C21orf91: variants seen among roughly 807,000 people sequenced by gnomAD.
The protein encoded by C21orf91 is protein EURL homolog.
In C21orf91, 26 loss-of-function variants were observed where a neutral mutation model predicts 32.9. The ratio of observed to expected loss-of-function variants is 0.79; its 90% CI spans 0.58 to 1.10. The LOEUF (loss-of-function observed/expected upper bound fraction) is 1.10. Ranked by LOEUF, C21orf91 falls within the 50% of genes least tolerant of loss-of-function variation. The pLI is 0.00. For missense variants in C21orf91, 310 were observed against 341.3 expected (o/e 0.91, Z 0.72); for synonymous variants, 126 against 120.4 (o/e 1.05, Z -0.31).
intron 2 of C21orf91, chr21:17,813,745 T>G (rs113016128): frequency 8.9e-4 from 135 of 152,360 alleles, no homozygotes; most frequent in African/African-American, 3.1e-3. Flanking sequence ...AATGCTCCAA[T>G]GAGCATCTCC....
chr21:17,805,496 T>C (rs946543431), intron 2 of C21orf91, among the ~76,000 whole-genome samples: 2 of 152,096 alleles, frequency 1.3e-5, no homozygotes, highest in Non-Finnish European at 2.9e-5. Context: ...GTATTTTTAG[T>C]AAAGACAGGG....
At chr21:17,794,046 T>A (rs1204467694) in intron 4 of C21orf91, among the ~76,000 whole-genome samples, 1 of 152,228 alleles carries the variant, frequency 6.6e-6, no homozygotes, top group Admixed American at 6.5e-5. Flanking sequence ...TTCAATTTCC[T>A]TTTCTGTGTA....
intron 2 of C21orf91, 28 bp downstream of exon 2, chr21:17,818,164 T>C: frequency 6.4e-7 from 1 of 1,568,120 alleles, no homozygotes; most frequent in Non-Finnish European, 8.7e-7. Flanking sequence ...ATTCATTCCA[T>C]AAGATCAAAA....
chr21:17,798,776 TAA>T (rs1341169020), intron 2 of C21orf91, among the ~76,000 whole-genome samples: 1 of 152,218 alleles, frequency 6.6e-6, no homozygotes, highest in South Asian at 2.1e-4. Context: ...TCTGCTTTAT[TAA>T]GTTTTATTAT....
chr21:17,798,231 T>C (rs371810723), intron 2 of C21orf91, among the ~76,000 whole-genome samples: 11 of 152,306 alleles, frequency 7.2e-5, no homozygotes, highest in South Asian at 6.2e-4. Context: ...ATTGAACTCA[T>C]AGTTATTTTA....
chr21:17,800,375 ACT>A (rs1239925201), intron 2 of C21orf91, among the ~76,000 whole-genome samples: 1 of 152,214 alleles, frequency 6.6e-6, no homozygotes, highest in African/African-American at 2.4e-5. Context: ...GAAAAAAATT[ACT>A]TTTTAATCTA....
intron 2 of C21orf91, among the ~76,000 whole-genome samples, chr21:17,808,182 T>C (rs2062610726): frequency 6.6e-6 from 1 of 152,218 alleles, no homozygotes; most frequent in Admixed American, 6.5e-5. Flanking sequence ...ACACTGCTCA[T>C]GTCCCAGCCA....
intron 2 of C21orf91, among the ~76,000 whole-genome samples, chr21:17,807,930 A>G (rs1241051695): frequency 2.0e-5 from 3 of 152,116 alleles, no homozygotes; most frequent in Non-Finnish European, 2.9e-5. Flanking sequence ...TTAAAAGGGT[A>G]TAAGACTTCA....
chr21:17,816,270 G>A (rs554745097), intron 2 of C21orf91, among the ~76,000 whole-genome samples: 35 of 152,224 alleles, frequency 2.3e-4, no homozygotes, highest in African/African-American at 8.4e-4. Flanking sequence ...GTTAAGAGAT[G>A]GTACCTAAGG....
At chr21:17,817,505 T>A (rs1208748049) in intron 2 of C21orf91, among the ~76,000 whole-genome samples, 1 of 152,122 alleles carries the variant, frequency 6.6e-6, no homozygotes, top group African/African-American at 2.4e-5. Flanking sequence ...ATTAAGGTTT[T>A]TTTTAGTATG....
At chr21:17,818,509 G>A (rs1414536864) in intron 1 of C21orf91, among the ~76,000 whole-genome samples, 184 bp from the exon 2 acceptor site, 5 of 152,220 alleles carry the variant, frequency 3.3e-5, no homozygotes, top group African/African-American at 9.6e-5. Flanking sequence ...AAGACACAAA[G>A]CTAGTAAAAC....
chr21:17,798,994 C>T (rs2062540374), intron 2 of C21orf91, among the ~76,000 whole-genome samples: 1 of 152,148 alleles, frequency 6.6e-6, no homozygotes, highest in Non-Finnish European at 1.5e-5. Flanking sequence ...GGTCTTGTTG[C>T]CAACAGATGG....
At position 17,796,970 on chromosome 21, in the gene C21orf91, CT is replaced by C; in HGVS notation, c.275del (p.Lys92ArgfsTer3). 6.2e-7 allele frequency: 1 copy of C among 1,613,808 alleles called. No homozygotes were observed. Among genetic ancestry groups the C allele is most frequent in the Non-Finnish European group, 8.5e-7 (1 of 1,179,792 alleles). On this transcript the variant is annotated frameshift_variant, in exon 3 of 5. Transcript: ENST00000284881. LOFTEE classifies it high-confidence loss of function. ...TYEEVKTILS[K>X]KINWIVQYAQ... ...CATACTGCACAATCCAGTTTATCTT[CT>C]TACTCAAAATGGTTTTAACTTCTTC...
intron 2 of C21orf91, among the ~76,000 whole-genome samples, chr21:17,804,522 T>C (rs1008951365): frequency 1.3e-5 from 2 of 152,226 alleles, no homozygotes; most frequent in Non-Finnish European, 2.9e-5. Context: ...GGTAACTGCT[T>C]ATCTCTGCCT....
rs112118674 is a variant in C21orf91, at chr21:17,802,288, G to C, written c.128-5170C>G. Among the ~76,000 whole-genome samples, 372 of 152,286 alleles carry C rather than the reference G, an allele frequency of 2.4e-3. 9 individuals are homozygous for C. In the East Asian group the frequency reaches 0.068, roughly 28 times the overall value. ...CTATCATCATACCCCAGCCCCCCAA[G>C]TAGCTGGGACTATAGGCACGCACCA... is the stretch of plus-strand genomic sequence containing the variant. On this transcript the variant is annotated intron_variant, in intron 2 of 4. Coordinates refer to ENST00000284881, the MANE Select transcript of C21orf91 (RefSeq NM_001100420.2).
At position 17,818,223 on chromosome 21, in the gene C21orf91, G is replaced by A; in HGVS notation, c.96C>T (p.Phe32=). 6.2e-7 allele frequency: 1 copy of A among 1,610,114 alleles called. No individual in the cohort carries two copies. Among genetic ancestry groups the A allele is most frequent in the South Asian group, 1.1e-5 (1 of 90,974 alleles). The stretch of plus-strand genomic sequence containing the variant: ...TATTTAGCTCAAAACAAATGTGGCA[G>A]AAGGAGAGTGTTTCTTTGTCTGTTC... The part of the protein sequence containing the change: ...KLGTDKETLS[F]CHICFELNIE... The change falls in exon 2 of 5, where the codon TTC becomes TTT. Residue 32 remains phenylalanine (F), a synonymous_variant. Coordinates refer to ENST00000284881, the MANE Select transcript of C21orf91 (RefSeq NM_001100420.2).
intron 2 of C21orf91, among the ~76,000 whole-genome samples, chr21:17,797,573 A>G (rs1386263248): frequency 1.3e-5 from 2 of 151,174 alleles, no homozygotes; most frequent in Admixed American, 1.3e-4. Context: ...TTCTTAAATT[A>G]TGTTTATTGA....
At chr21:17,800,685 A>G (rs780218884) in intron 2 of C21orf91, among the ~76,000 whole-genome samples, 1 of 152,232 alleles carries the variant, frequency 6.6e-6, no homozygotes, top group Non-Finnish European at 1.5e-5. Context: ...AATAATTTCC[A>G]AACCAGTCCA....
rs895388378 is a variant in C21orf91 at position 17,795,294 on chromosome 21, T to C, written c.665-24A>G. On this transcript the variant is annotated intron_variant, in intron 3 of 4. Coordinates refer to ENST00000284881, the MANE Select transcript of C21orf91 (RefSeq NM_001100420.2). ...CACTGAAACATGAAAATGTATTCAC[T>C]ATTACCACAACAACCTAGGAAAACA... is the stretch of plus-strand genomic sequence containing the variant. 3.3e-6 allele frequency: 5 copies of C among 1,515,650 alleles called. No homozygotes were observed. The Admixed American group carries it at 5.0e-5, about 15-fold the overall frequency. 93.9% of individuals were successfully genotyped at this position (1,515,650 alleles called of 1,614,324 possible). A position where few individuals can be genotyped will look rare whatever the true frequency, so the allele number is the denominator to read the frequency against.
Sources: allele counts gnomAD v4.1 joint callset (sites outside exome capture counted in the v4.1 genomes callset), GRCh38; gene constraint gnomAD v4.1.1; transcripts MANE v1.5; gene names NCBI Gene and HGNC (gene_info 2026-07-23, HGNC 2026-07-21).